Variants in PLPPR1 observed in about 807,000 individuals in gnomAD.
PLPPR1 encodes phospholipid phosphatase-related protein type 1.
PLPPR1 carries 10 observed loss-of-function variants against 33.1 expected under a neutral mutation model. The observed-to-expected ratio is 0.30, with a 90% confidence interval of 0.19 to 0.51. The LOEUF (loss-of-function observed/expected upper bound fraction) is 0.51, where lower values mean the gene tolerates loss of function less well. Ranked by LOEUF, PLPPR1 falls within the 20% of genes least tolerant of loss-of-function variation. The pLI, the probability that PLPPR1 is intolerant of heterozygous loss-of-function variation, is 0.97. For missense variants in PLPPR1, 304 were observed against 408.1 expected (o/e 0.74, Z 2.20); for synonymous variants, 151 against 151.0 (o/e 1.00, Z 0.00).
intron 4 of PLPPR1, among the ~76,000 whole-genome samples, chr9:101,305,602 G>A (rs952007332): frequency 2.6e-5 from 4 of 152,100 alleles, no homozygotes; most frequent in Non-Finnish European, 5.9e-5. Context: ...ATGCATCTAG[G>A]CTTCCTAATG....
At chr9:101,228,227 C>T (rs1319608550) in intron 2 of PLPPR1, among the ~76,000 whole-genome samples, 2 of 152,130 alleles carry the variant, frequency 1.3e-5, no homozygotes, top group African/African-American at 4.8e-5. Context: ...AATAATGTTG[C>T]AAACTCCCCT....
intron 7 of PLPPR1, among the ~76,000 whole-genome samples, chr9:101,318,468 A>G (rs1271613630): frequency 3.3e-5 from 5 of 151,996 alleles, no homozygotes; most frequent in African/African-American, 7.3e-5. Flanking sequence ...TTTCACAGGT[A>G]AAGATAAGAA....
intron 1 of PLPPR1, among the ~76,000 whole-genome samples, chr9:101,180,143 T>TACACACAC (rs369914371): frequency 5.1e-5 from 2 of 39,212 alleles, no homozygotes; most frequent in African/African-American, 1.2e-4. Flanking sequence ...TATATATATA[T>TACACACAC]ACACACACAC....
chr9:101,083,341 C>G (rs1052588551), intron 1 of PLPPR1, among the ~76,000 whole-genome samples: 1 of 146,474 alleles, frequency 6.8e-6, no homozygotes, highest in African/African-American at 2.5e-5. Context: ...GAGCCCAGAT[C>G]GTGCCAATGC....
At chr9:101,266,396 C>CAAAAAA (rs546906894) in intron 2 of PLPPR1, among the ~76,000 whole-genome samples, 33 of 113,804 alleles carry the variant, frequency 2.9e-4, no homozygotes, top group Admixed American at 6.6e-4. Context: ...ACCCTGTCTC[C>CAAAAAA]AAAAAAAAAA....
chr9:101,270,749 A>T (rs1221306772), intron 3 of PLPPR1, among the ~76,000 whole-genome samples: 3 of 152,212 alleles, frequency 2.0e-5, no homozygotes, highest in African/African-American at 7.2e-5. Context: ...ACACTTAGAC[A>T]TTTTAATTTT....
chr9:101,318,563 G>A (rs538955127), intron 7 of PLPPR1, among the ~76,000 whole-genome samples: 1 of 152,270 alleles, frequency 6.6e-6, no homozygotes, highest in African/African-American at 2.4e-5. Flanking sequence ...CTTGAGCCCA[G>A]GAGTTTGAGA....
At chr9:101,116,753 G>A (rs1283638236) in intron 1 of PLPPR1, among the ~76,000 whole-genome samples, 1 of 149,210 alleles carries the variant, frequency 6.7e-6, no homozygotes, top group African/African-American at 2.5e-5. Flanking sequence ...AGGTTGCAGT[G>A]AGCCAAGATT....
intron 1 of PLPPR1, among the ~76,000 whole-genome samples, chr9:101,152,591 G>A (rs1258999745): frequency 6.6e-6 from 1 of 152,130 alleles, no homozygotes; most frequent in Non-Finnish European, 1.5e-5. Flanking sequence ...TGTAAGGAAG[G>A]GATCCAGTTT....
intron 3 of PLPPR1, 55 bp from the exon 4 acceptor site, chr9:101,286,049 C>T (rs977429953): frequency 1.4e-6 from 2 of 1,473,070 alleles, no homozygotes; most frequent in African/African-American, 1.4e-5. Context: ...AAGCCATGGG[C>T]CTCTCTTATC....
intron 1 of PLPPR1, among the ~76,000 whole-genome samples, chr9:101,162,475 G>T (rs1278595269): frequency 6.6e-6 from 1 of 152,192 alleles, no homozygotes; most frequent in East Asian, 1.9e-4. Context: ...CAAAGCAAAT[G>T]ATTCTGTGAC....
intron 2 of PLPPR1, among the ~76,000 whole-genome samples, chr9:101,227,193 C>T (rs1816366): frequency 0.42 from 63,689 of 152,044 alleles, 13,847 homozygotes; most frequent in African/African-American, 0.54. Context: ...CCAATAATCA[C>T]GACTGGGAAT....
chr9:101,175,539 TG>T (rs1826006372), intron 1 of PLPPR1, among the ~76,000 whole-genome samples: 2 of 152,164 alleles, frequency 1.3e-5, no homozygotes, highest in Non-Finnish European at 1.5e-5. Context: ...TTATTTCTTT[TG>T]CATATAAGTG....
chr9:101,059,162 A>G (rs1830313196), intron 1 of PLPPR1, among the ~76,000 whole-genome samples: 1 of 152,150 alleles, frequency 6.6e-6, no homozygotes, highest in African/African-American at 2.4e-5. Context: ...ATATGTATCA[A>G]AAAGAAGCAT....
intron 1 of PLPPR1, among the ~76,000 whole-genome samples, chr9:101,153,574 C>A (rs1477967455): frequency 6.6e-6 from 1 of 151,902 alleles, no homozygotes; most frequent in Non-Finnish European, 1.5e-5. Flanking sequence ...CCCATCAATA[C>A]CTAATTTATT....
At chr9:101,272,147 T>G (rs931168005) in intron 3 of PLPPR1, among the ~76,000 whole-genome samples, 1 of 152,168 alleles carries the variant, frequency 6.6e-6, no homozygotes, top group Non-Finnish European at 1.5e-5. Flanking sequence ...ATGAAGATAT[T>G]TACTAGTGAT....
chr9:101,075,646 T>A (rs1588017581), intron 1 of PLPPR1, among the ~76,000 whole-genome samples: 1 of 152,346 alleles, frequency 6.6e-6, no homozygotes, highest in Admixed American at 6.5e-5. Flanking sequence ...TATTCAAAAA[T>A]TATTTATCAT....
intron 2 of PLPPR1, among the ~76,000 whole-genome samples, chr9:101,209,413 G>T (rs780913352): frequency 6.6e-6 from 1 of 152,220 alleles, no homozygotes; most frequent in Non-Finnish European, 1.5e-5. Flanking sequence ...AACCTTAATT[G>T]TGGAATGAAT....
intron 1 of PLPPR1, among the ~76,000 whole-genome samples, chr9:101,174,462 A>G (rs1265457735): frequency 6.6e-6 from 1 of 152,204 alleles, no homozygotes; most frequent in Non-Finnish European, 1.5e-5. Flanking sequence ...TTTAACTGAC[A>G]TCAAGGCTGG....
Sources: gnomAD v4.1 joint callset for allele counts (sites outside exome capture counted in the v4.1 genomes callset) on GRCh38, gnomAD v4.1.1 for gene constraint, MANE v1.5 for transcripts, NCBI Gene and HGNC (gene_info 2026-07-23, HGNC 2026-07-21) for gene names.